Variants in IKZF3 observed in about 807,000 individuals in gnomAD.
The protein encoded by IKZF3 is IKAROS family zinc finger 3.
A neutral mutation model predicts 49.0 loss-of-function variants in IKZF3; 10 were observed. The observed-to-expected ratio is 0.20, with a 90% CI of 0.13 to 0.35. IKZF3 has a LOEUF of 0.35. Among genes scored for constraint, IKZF3 ranks in the 10% least tolerant of loss-of-function variants. IKZF3 has a pLI of 1.00. For missense variants in IKZF3, 498 were observed against 664.8 expected, an observed-to-expected ratio of 0.75 and a Z score of 2.76; for synonymous variants, 209 against 228.2, an observed-to-expected ratio of 0.92 and a Z score of 0.76.
Position 39,792,720 on chromosome 17 carries a change from G to A in IKZF3, c.377C>T (p.Ser126Phe). ...CATTAAGACATTGAAGCTGATGCAG[G>A]ATAATCCACACACATCGCAGTTCAT... ...GKMNCDVCGL[S>F]CISFNVLMVH... The change falls in exon 4 of 8, where the codon TCC becomes TTC. Residue 126 changes from serine (S) to phenylalanine (F), a missense_variant. Ser to Phe is a radical substitution (Grantham distance 155, BLOSUM62 -2). Around this residue, in one of 3 missense-constraint regions of IKZF3, gnomAD observed 84 missense variants for 168.6 expected, o/e 0.50. Coordinates refer to ENST00000346872, the MANE Select transcript of IKZF3 (RefSeq NM_012481.5). 1 of 1,614,116 alleles carries A rather than the reference G, an allele frequency of 6.2e-7. No individual in the cohort carries two copies.
chr17:39,805,813 C>T (rs2061420397), intron 3 of IKZF3, among the ~76,000 whole-genome samples: 1 of 152,214 alleles, frequency 6.6e-6, no homozygotes, highest in South Asian at 2.1e-4. Flanking sequence ...CTGGAAACTG[C>T]AGAGGGAATA....
intron 3 of IKZF3, among the ~76,000 whole-genome samples, chr17:39,825,042 G>A (rs1051199125): frequency 6.6e-6 from 1 of 152,130 alleles, no homozygotes; most frequent in Non-Finnish European, 1.5e-5. Flanking sequence ...GCTGGCACTC[G>A]TTCTCTCCTG....
At chr17:39,856,010 A>C (rs939358635) in intron 1 of IKZF3, among the ~76,000 whole-genome samples, 3 of 145,142 alleles carry the variant, frequency 2.1e-5, no homozygotes, top group Admixed American at 6.8e-5. Flanking sequence ...GTACAATATA[A>C]CATGTATATT....
chr17:39,834,599 C>G (rs937001676), intron 1 of IKZF3, among the ~76,000 whole-genome samples: 1 of 152,220 alleles, frequency 6.6e-6, no homozygotes, highest in Non-Finnish European at 1.5e-5. Flanking sequence ...TCAGAGAACA[C>G]AGTCTGTGTG....
chr17:39,804,169 T>C (rs113064843), intron 3 of IKZF3, among the ~76,000 whole-genome samples: 3,645 of 152,282 alleles, frequency 0.024, 61 homozygotes, highest in Non-Finnish European at 0.037. Flanking sequence ...CCGGGTGTGG[T>C]GGCTCATGCC....
intron 1 of IKZF3, among the ~76,000 whole-genome samples, chr17:39,842,910 C>T (rs1043922388): frequency 6.6e-6 from 1 of 152,134 alleles, no homozygotes; most frequent in Non-Finnish European, 1.5e-5. Flanking sequence ...AATTATGTGC[C>T]TTCTGATAGT....
chr17:39,824,026 C>T (rs896038963), intron 3 of IKZF3, among the ~76,000 whole-genome samples: 6 of 152,176 alleles, frequency 3.9e-5, no homozygotes, highest in Non-Finnish European at 7.3e-5. Context: ...CAGCTTGTGT[C>T]GTGCACCTGG....
At chr17:39,827,970 G>C (rs1473645978) in intron 3 of IKZF3, among the ~76,000 whole-genome samples, 1 of 152,194 alleles carries the variant, frequency 6.6e-6, no homozygotes, top group African/African-American at 2.4e-5. Context: ...GGGAAGAGGA[G>C]GTGGGGGAGG....
At chr17:39,791,645 A>G in intron 4 of IKZF3, 62 bp from the exon 5 acceptor site, 1 of 1,504,226 alleles carries the variant, frequency 6.6e-7, no homozygotes, top group South Asian at 1.1e-5. Context: ...ATATGCACAG[A>G]TTAGATGCCT....
rs149214511 is a variant in IKZF3, at chr17:39,798,766, A to G, written c.164-5833T>C. Among the ~76,000 whole-genome samples the G allele has an allele frequency of 9.1e-3, 1,378 of 152,186 alleles. 9 individuals are homozygous for G. The highest frequency in any genetic ancestry group is 0.013 in the Non-Finnish European group (880 of 67,996). On this transcript the variant is annotated intron_variant, in intron 3 of 7. Transcript: ENST00000346872. ...GTGATCCGCCGGCCTCGGCCTCCCA[A>G]AGTGCTGGGATTACAGGCATGAGCC...
chr17:39,834,297 C>T (rs1375432210), intron 1 of IKZF3, among the ~76,000 whole-genome samples: 1 of 152,192 alleles, frequency 6.6e-6, no homozygotes, highest in Non-Finnish European at 1.5e-5. Flanking sequence ...CTTCCCTCTA[C>T]TTTGGGCTTA....
chr17:39,844,128 G>A (rs1188722266), intron 1 of IKZF3, among the ~76,000 whole-genome samples: 5 of 152,026 alleles, frequency 3.3e-5, no homozygotes, highest in Non-Finnish European at 7.4e-5. Context: ...CATTTGATGG[G>A]GTCTACTGTG....
Position 39,765,920 on chromosome 17 carries a change from A to G in IKZF3, c.1400T>C (p.Phe467Ser). 1 of 1,614,230 alleles carries G rather than the reference A, an allele frequency of 6.2e-7. No individual in the cohort carries two copies. The highest frequency in any genetic ancestry group is 8.5e-7 in the Non-Finnish European group (1 of 1,180,034). ...GCCGTGGCAGCCCATGTGAATCGTG[A>G]ACATCACATAGTCCAGGAAGAGGAC... ...CRVLFLDYVM[F>S]TIHMGCHGFR... is the part of the protein sequence containing the mutation. The change falls in exon 8 of 8, where the codon TTC becomes TCC. Residue 467 changes from phenylalanine to serine, a missense_variant. Transcript: ENST00000346872.
intron 6 of IKZF3, among the ~76,000 whole-genome samples, chr17:39,784,698 G>A (rs905535262): frequency 6.6e-6 from 1 of 152,194 alleles, no homozygotes; most frequent in Non-Finnish European, 1.5e-5. Context: ...CACCGCGCCC[G>A]GCCAGGATTG....
chr17:39,802,329 A>G (rs1444747785), intron 3 of IKZF3, among the ~76,000 whole-genome samples: 1 of 151,484 alleles, frequency 6.6e-6, no homozygotes, highest in Non-Finnish European at 1.5e-5. Flanking sequence ...ATTTTTGGCC[A>G]GGTGCAATAG....
intron 3 of IKZF3, among the ~76,000 whole-genome samples, chr17:39,825,702 T>C (rs2061937943): frequency 6.6e-6 from 1 of 152,164 alleles, no homozygotes; most frequent in African/African-American, 2.4e-5. Context: ...TGAGGGGAAA[T>C]TATTAGCCTG....
intron 1 of IKZF3, among the ~76,000 whole-genome samples, chr17:39,840,148 A>G (rs1363084338): frequency 1.3e-5 from 2 of 152,232 alleles, no homozygotes; most frequent in Non-Finnish European, 2.9e-5. Flanking sequence ...TTGCAGAAGT[A>G]TAAATCTGTT....
Position 39,762,205 on chromosome 17 carries a change from ACT to A in IKZF3, c.*3583_*3584del, listed in dbSNP as rs1011424749. Reference sequence around the variant, plus strand: ...CCAGCAGTGGCAGATGCAAGTCCTGACTCTGCCCTTCTGCTAAGATTCTCCTT... The same window carrying A: ...CCAGCAGTGGCAGATGCAAGTCCTGACTGCCCTTCTGCTAAGATTCTCCTT... On this transcript the variant is annotated 3_prime_UTR_variant, in exon 8 of 8. Transcript: ENST00000346872. The A allele has an allele frequency of 9.3e-4, 142 of 152,198 alleles. No homozygotes were observed. Among genetic ancestry groups the A allele is most frequent in the Middle Eastern group, 6.8e-3 (2 of 294 alleles). 9.4% of individuals were successfully genotyped at this position (152,198 alleles called of 1,614,324 possible).
chr17:39,804,704 T>C (rs968957747), intron 3 of IKZF3, among the ~76,000 whole-genome samples: 3 of 152,212 alleles, frequency 2.0e-5, no homozygotes, highest in Non-Finnish European at 4.4e-5. Flanking sequence ...CTGCCCTTCC[T>C]GCTCCACCAT....
Sources: allele counts gnomAD v4.1 joint callset (sites outside exome capture counted in the v4.1 genomes callset), GRCh38; gene constraint gnomAD v4.1.1; regional missense constraint gnomAD v4.1.1; transcripts MANE v1.5; gene names NCBI Gene and HGNC (gene_info 2026-07-23, HGNC 2026-07-21).